Variants in COL23A1 observed in about 807,000 individuals in gnomAD.
COL23A1 encodes the protein collagen alpha-1(XXIII) chain.
Under a neutral mutation model 99.3 loss-of-function variants are expected in COL23A1, and 97 were observed. That is an observed-to-expected ratio of 0.98 (90% CI 0.83 to 1.16). The LOEUF (loss-of-function observed/expected upper bound fraction) is 1.16. Among genes scored for constraint, COL23A1 ranks in the 50% most tolerant of loss-of-function variants. The probability of loss-of-function intolerance (pLI) is 0.00; values close to 1 mark genes in which losing one functional copy is unlikely to be tolerated. For synonymous variants in COL23A1, 320 were observed against 308.2 expected, an observed-to-expected ratio of 1.04 and a Z score of -0.40; for missense variants, 762 against 757.4, an observed-to-expected ratio of 1.01 and a Z score of -0.07.
At chr5:178,514,617 G>A (rs1759404065) in intron 2 of COL23A1, among the ~76,000 whole-genome samples, 1 of 152,226 alleles carries the variant, frequency 6.6e-6, no homozygotes, top group African/African-American at 2.4e-5. Context: ...AAAGATGAAC[G>A]GAACTGGGGC....
chr5:178,368,235 G>T (rs2910115), intron 2 of COL23A1, among the ~76,000 whole-genome samples: 22,453 of 152,108 alleles, frequency 0.15, 2,276 homozygotes, highest in East Asian at 0.39. Context: ...TAAGGGGGAG[G>T]AATACCATGG....
intron 5 of COL23A1, among the ~76,000 whole-genome samples, chr5:178,270,900 T>C (rs1756251974): frequency 6.6e-6 from 1 of 152,242 alleles, no homozygotes; most frequent in East Asian, 1.9e-4. Flanking sequence ...GTTTGAGAGC[T>C]AATCAATACT....
Position 178,482,962 on chromosome 5 carries a change from C to A in COL23A1, c.361+77720G>T, listed in dbSNP as rs540919532. 5.3e-5 allele frequency among the ~76,000 whole-genome samples: 8 copies of A among 152,072 alleles called. No homozygotes were observed. In the South Asian group the frequency reaches 1.7e-3, roughly 32 times the overall value. ...TGGTGCCTGCCTGTAGTCCCAGCTA[C>A]TTGGGAGGCTAAGGCAGGAGGATTG... On this transcript the variant is annotated intron_variant, in intron 2 of 28. Coordinates refer to ENST00000390654, the MANE Select transcript of COL23A1 (RefSeq NM_173465.4).
chr5:178,371,009 T>C (rs1762772012), intron 2 of COL23A1, among the ~76,000 whole-genome samples: 1 of 152,068 alleles, frequency 6.6e-6, no homozygotes, highest in South Asian at 2.1e-4. Flanking sequence ...TTCTTGAAAA[T>C]TGCTAAGAAT....
chr5:178,258,394 G>GTTTT (rs59750946), intron 12 of COL23A1, among the ~76,000 whole-genome samples: 3 of 109,058 alleles, frequency 2.8e-5, no homozygotes, highest in Non-Finnish European at 3.8e-5. Flanking sequence ...GATGGGAGAG[G>GTTTT]TTTTTTTTTT....
chr5:178,268,689 C>T (rs770374057), intron 7 of COL23A1, 41 bp downstream of exon 7: 26 of 1,583,794 alleles, frequency 1.6e-5, no homozygotes, highest in Middle Eastern at 1.7e-4. Context: ...TGGGATTCTT[C>T]GCCTGCCTAC....
intron 1 of COL23A1, among the ~76,000 whole-genome samples, chr5:178,570,963 A>G (rs1162960593): frequency 2.0e-5 from 3 of 152,130 alleles, no homozygotes; most frequent in Non-Finnish European, 4.4e-5. Flanking sequence ...GGAACGAACC[A>G]CCGAAAAGGA....
At chr5:178,339,440 C>T (rs1379828856) in intron 2 of COL23A1, among the ~76,000 whole-genome samples, 1 of 152,208 alleles carries the variant, frequency 6.6e-6, no homozygotes, top group East Asian at 1.9e-4. Context: ...GGAAAAACAC[C>T]TCCCTTGTTC....
At chr5:178,385,378 TTCA>T (rs997927524) in intron 2 of COL23A1, among the ~76,000 whole-genome samples, 8 of 152,200 alleles carry the variant, frequency 5.3e-5, no homozygotes, top group Admixed American at 5.2e-4. Context: ...CCCACACGTC[TTCA>T]TGTCAGTAGG....
At chr5:178,240,312 C>T (rs1274158209) in intron 27 of COL23A1, among the ~76,000 whole-genome samples, 1 of 152,208 alleles carries the variant, frequency 6.6e-6, no homozygotes. Context: ...CACCAGGGAC[C>T]AGGCTAGGCA....
chr5:178,369,345 C>T (rs531152097), intron 2 of COL23A1, among the ~76,000 whole-genome samples: 10 of 152,288 alleles, frequency 6.6e-5, no homozygotes, highest in South Asian at 2.1e-4. Context: ...CTTCACACCT[C>T]GAGAGGATGT....
rs956127236 is a variant in COL23A1 at position 178,324,528 on chromosome 5, G to T, written c.362-17609C>A. Among the ~76,000 whole-genome samples the T allele has an allele frequency of 7.2e-5, 11 of 152,118 alleles. No homozygotes were observed. In the East Asian group the frequency reaches 2.1e-3, roughly 29 times the overall value. ...GGGTGTGCTTACGGAGCAGTGCCCA[G>T]TCCTGTTCTGAGCCCTGTCACGCAA... On this transcript the variant is annotated intron_variant, in intron 2 of 28. Coordinates refer to ENST00000390654, the MANE Select transcript of COL23A1 (RefSeq NM_173465.4).
chr5:178,491,098 A>AC (rs1344695923), intron 2 of COL23A1, among the ~76,000 whole-genome samples: 64 of 151,266 alleles, frequency 4.2e-4, no homozygotes, highest in African/African-American at 1.4e-3. Context: ...AAGAGAGAGG[A>AC]GGGGGGAAAG....
intron 1 of COL23A1, among the ~76,000 whole-genome samples, chr5:178,575,490 T>C (rs1322168429): frequency 6.6e-6 from 1 of 152,190 alleles, no homozygotes; most frequent in Non-Finnish European, 1.5e-5. Context: ...GTTACCTCCT[T>C]AGGCCCTCAC....
intron 2 of COL23A1, among the ~76,000 whole-genome samples, chr5:178,513,927 A>G (rs1759360485): frequency 6.6e-6 from 1 of 152,144 alleles, no homozygotes; most frequent in Admixed American, 6.5e-5. Context: ...CATCTTACCC[A>G]TTTATAATTG....
chr5:178,391,401 A>T (rs938487561), intron 2 of COL23A1, among the ~76,000 whole-genome samples: 1 of 152,244 alleles, frequency 6.6e-6, no homozygotes, highest in Admixed American at 6.5e-5. Flanking sequence ...TCAACAATAA[A>T]AAGACAAATA....
At chr5:178,524,519 T>C (rs974124984) in intron 2 of COL23A1, among the ~76,000 whole-genome samples, 1 of 152,068 alleles carries the variant, frequency 6.6e-6, no homozygotes, top group Non-Finnish European at 1.5e-5. Flanking sequence ...GGGGGATGGA[T>C]GTATCCAGAA....
chr5:178,274,360 G>T (rs769915474), intron 5 of COL23A1, among the ~76,000 whole-genome samples: 2 of 152,250 alleles, frequency 1.3e-5, no homozygotes, highest in Non-Finnish European at 2.9e-5. Context: ...GCGCCTCAGG[G>T]AAGGGCCTGG....
chr5:178,357,642 A>G (rs1375868468), intron 2 of COL23A1, among the ~76,000 whole-genome samples: 5 of 152,234 alleles, frequency 3.3e-5, no homozygotes, highest in Non-Finnish European at 7.3e-5. Flanking sequence ...TGTCCCAAAT[A>G]TAAAGGAATT....
Sources: gnomAD v4.1 joint callset for allele counts (sites outside exome capture counted in the v4.1 genomes callset) on GRCh38, gnomAD v4.1.1 for gene constraint, MANE v1.5 for transcripts, NCBI Gene and HGNC (gene_info 2026-07-23, HGNC 2026-07-21) for gene names.